The following LRRC49 variants were observed in gnomAD, a reference collection of about 807,000 sequenced individuals.
LRRC49 encodes leucine-rich repeat-containing protein 49.
A neutral mutation model predicts 83.3 loss-of-function variants in LRRC49; 50 were observed. The ratio of observed to expected loss-of-function variants is 0.60; its 90% CI spans 0.48 to 0.76. The LOEUF (loss-of-function observed/expected upper bound fraction) is 0.76. Ranked by LOEUF, LRRC49 falls within the 30% of genes least tolerant of loss-of-function variation. The pLI is 0.00. For synonymous variants in LRRC49, 286 were observed against 283.3 expected, an observed-to-expected ratio of 1.01 and a Z score of -0.10; for missense variants, 704 against 809.1, an observed-to-expected ratio of 0.87 and a Z score of 1.58.
intron 9 of LRRC49, among the ~76,000 whole-genome samples, chr15:70,971,591 G>T (rs1044884909): frequency 6.6e-6 from 1 of 152,074 alleles, no homozygotes; most frequent in Non-Finnish European, 1.5e-5. Flanking sequence ...CATTATTATT[G>T]TGTGGGAGTC....
intron 14 of LRRC49, among the ~76,000 whole-genome samples, chr15:71,035,898 G>C (rs1333390002): frequency 6.6e-6 from 1 of 152,042 alleles, no homozygotes; most frequent in Non-Finnish European, 1.5e-5. Context: ...TCTGGTTCCA[G>C]GCCTTCAAAG....
At position 70,984,075 on chromosome 15, in the gene LRRC49, A is replaced by G. The variant is rs867979968; in HGVS notation, c.1006-19A>G. 1 of 1,609,252 alleles carries G rather than the reference A, an allele frequency of 6.2e-7. No individual in the cohort carries two copies. The highest frequency in any genetic ancestry group is 2.2e-5 in the East Asian group (1 of 44,680). On this transcript the variant is annotated intron_variant, in intron 10 of 15. Transcript: ENST00000260382. Reference sequence around the variant, plus strand: ...AAAATTGCATTATATAACTTTTGTCACAATTAACTTTTTCATAGGAGAAGA... The same window carrying G: ...AAAATTGCATTATATAACTTTTGTCGCAATTAACTTTTTCATAGGAGAAGA...
chr15:71,003,171 G>C (rs1242662528), intron 11 of LRRC49, among the ~76,000 whole-genome samples: 1 of 151,928 alleles, frequency 6.6e-6, no homozygotes, highest in Non-Finnish European at 1.5e-5. Flanking sequence ...TCCTGACCTT[G>C]TGATCCACCC....
chr15:71,046,031 T>C (rs1596029), intron 15 of LRRC49, among the ~76,000 whole-genome samples: 6 of 152,212 alleles, frequency 3.9e-5, no homozygotes, highest in Admixed American at 3.9e-4. Flanking sequence ...ATTTCACTCT[T>C]TGTTATGGCT....
chr15:70,963,752 A>G, intron 8 of LRRC49, 33 bp from the exon 9 acceptor site: 3 of 1,598,218 alleles, frequency 1.9e-6, no homozygotes, highest in African/African-American at 2.7e-5. Context: ...TTAAGGCCTC[A>G]GAATAATCCA....
chr15:71,039,222 T>C (rs777886912), intron 15 of LRRC49, among the ~76,000 whole-genome samples: 1 of 151,918 alleles, frequency 6.6e-6, no homozygotes, highest in Non-Finnish European at 1.5e-5. Context: ...AGTTCAGAGA[T>C]TGAGGTAGAC....
intron 11 of LRRC49, among the ~76,000 whole-genome samples, chr15:70,987,816 A>G (rs1441164143): frequency 6.6e-6 from 1 of 151,936 alleles, no homozygotes; most frequent in Non-Finnish European, 1.5e-5. Flanking sequence ...AATGTGTCCC[A>G]GCGATTCTGG....
intron 7 of LRRC49, among the ~76,000 whole-genome samples, chr15:70,919,785 T>G (rs1476467161): frequency 6.6e-6 from 1 of 152,122 alleles, no homozygotes; most frequent in Non-Finnish European, 1.5e-5. Flanking sequence ...CTCTAGGGTG[T>G]TTTTTGGTTT....
chr15:70,942,529 G>C (rs996230547), intron 8 of LRRC49, among the ~76,000 whole-genome samples: 1 of 152,088 alleles, frequency 6.6e-6, no homozygotes, highest in African/African-American at 2.4e-5. Context: ...GTTTCCCCTA[G>C]TGCATTTCTT....
At chr15:70,904,821 T>C in intron 5 of LRRC49, 66 bp downstream of exon 5, 3 of 1,206,840 alleles carry the variant, frequency 2.5e-6, no homozygotes, top group Non-Finnish European at 3.5e-6. Context: ...AGATGACAAC[T>C]TAGAATTGAA....
At chr15:70,951,945 C>A (rs2036231538) in intron 8 of LRRC49, among the ~76,000 whole-genome samples, 1 of 151,992 alleles carries the variant, frequency 6.6e-6, no homozygotes, top group Non-Finnish European at 1.5e-5. Flanking sequence ...TCCTTTGATG[C>A]CTAATTTGTT....
chr15:71,039,968 A>C (rs977258587), intron 15 of LRRC49, among the ~76,000 whole-genome samples: 5 of 152,362 alleles, frequency 3.3e-5, no homozygotes, highest in Admixed American at 3.3e-4. Context: ...ATTGCATAGG[A>C]AAAGAAAAGC....
rs1013253491 is a variant in LRRC49 at position 70,873,741 on chromosome 15, A to G, written c.18+518A>G. On this transcript the variant is annotated intron_variant, in intron 2 of 16. Coordinates refer to the LRRC49 transcript ENST00000544974. ...GTAGTCCTAGAGTTCCAAACACAGC[A>G]AGAGGACAAGCCCAGGGCTCAAGCA... Among the ~76,000 whole-genome samples the G allele has an allele frequency of 2.6e-5, 4 of 152,220 alleles. 1 individual carries two copies. Among genetic ancestry groups the G allele is most frequent in the African/African-American group, 4.8e-5 (2 of 41,462 alleles).
intron 8 of LRRC49, among the ~76,000 whole-genome samples, chr15:70,960,980 G>A (rs2036584068): frequency 6.6e-6 from 1 of 152,078 alleles, no homozygotes; most frequent in African/African-American, 2.4e-5. Flanking sequence ...ACACTGTTAA[G>A]AGAAGGAAAA....
At chr15:70,981,560 T>G (rs901443819) in intron 10 of LRRC49, among the ~76,000 whole-genome samples, 3 of 151,080 alleles carry the variant, frequency 2.0e-5, no homozygotes, top group African/African-American at 7.3e-5. Flanking sequence ...ACAGGAAGAG[T>G]GTATAGATAC....
At chr15:70,916,579 G>A (rs2034784252) in intron 6 of LRRC49, among the ~76,000 whole-genome samples, 2 of 152,196 alleles carry the variant, frequency 1.3e-5, no homozygotes, top group Admixed American at 6.5e-5. Context: ...ACAGGTGTGA[G>A]CTACCGCGCC....
chr15:71,017,501 C>A (rs1364087167), intron 14 of LRRC49, among the ~76,000 whole-genome samples: 3 of 151,180 alleles, frequency 2.0e-5, no homozygotes, highest in Admixed American at 6.6e-5. Flanking sequence ...TTAAGAAATC[C>A]TACAAATTTA....
chr15:70,865,917 A>T (rs1440230879), intron 1 of LRRC49, among the ~76,000 whole-genome samples: 2 of 152,126 alleles, frequency 1.3e-5, no homozygotes, highest in Non-Finnish European at 2.9e-5. Flanking sequence ...GAATAATCCG[A>T]TATTATGCAG....
At chr15:70,856,802 T>A (rs1305319997) in intron 1 of LRRC49, among the ~76,000 whole-genome samples, 2 of 152,202 alleles carry the variant, frequency 1.3e-5, no homozygotes, top group Non-Finnish European at 2.9e-5. Flanking sequence ...GCAGGGAGCC[T>A]TCATCTAGGA....
Sources: allele counts gnomAD v4.1 joint callset (sites outside exome capture counted in the v4.1 genomes callset), GRCh38; gene constraint gnomAD v4.1.1; transcripts MANE v1.5; gene names NCBI Gene and HGNC (gene_info 2026-07-23, HGNC 2026-07-21).